POMK: variants seen among roughly 807,000 people sequenced by gnomAD.
POMK encodes Sugen kinase 196.
In POMK, 19 loss-of-function variants were observed where a neutral mutation model predicts 23.0. The ratio of observed to expected loss-of-function variants is 0.83; its 90% confidence interval spans 0.58 to 1.21. The LOEUF (loss-of-function observed/expected upper bound fraction) is 1.21. Among genes scored for constraint, POMK ranks in the 50% most tolerant of loss-of-function variants. The pLI is 0.00. For missense variants in POMK, 410 were observed against 431.3 expected (o/e 0.95, Z 0.44); for synonymous variants, 173 against 171.6 (o/e 1.01, Z -0.06).
intron 1 of POMK, among the ~76,000 whole-genome samples, chr8:43,094,404 A>G (rs1344684451): frequency 3.3e-5 from 5 of 152,200 alleles, no homozygotes. Flanking sequence ...CAAAAAAACC[A>G]GAAAGGACCG....
chr8:43,122,121 G>C lies in POMK; in HGVS notation c.297G>C (p.Glu99Asp), dbSNP rs181930194. ...CTTTGTTGCAGGTCTTTCTGTCTGA[G>C]TGGAAGGAGCACAAAGTTGCACTCT... Reference protein sequence around the residue: ...EGAVKRVFLSEWKEHKVALSQ... With the variant: ...EGAVKRVFLSDWKEHKVALSQ... Residue 99 changes from glutamate (E) to aspartate (D), a missense_variant, in exon 5 of 5, where the codon GAG becomes GAC. Transcript: ENST00000331373. 1 of 1,614,074 alleles carries C rather than the reference G, an allele frequency of 6.2e-7. No homozygotes were observed. The highest frequency in any genetic ancestry group is 1.1e-5 in the South Asian group (1 of 91,062).
At position 43,122,513 on chromosome 8, in the gene POMK, C is replaced by G; in HGVS notation, c.689C>G (p.Ala230Gly). ...AGCATTTTGGCAAATGACTTGGACG[C>G]CTTACCCCTGGTGAACCACAGCTCC... ...NFSILANDLD[A>G]LPLVNHSSGM... is the part of the protein sequence containing the mutation. The change falls in exon 5 of 5, where the codon GCC becomes GGC. Residue 230 changes from alanine to glycine, a missense_variant. By Grantham distance (60) the Ala-to-Gly change is moderately conservative (BLOSUM62 0). Transcript: ENST00000331373. 6.2e-7 allele frequency: 1 copy of G among 1,614,152 alleles called. No homozygotes were observed. Among genetic ancestry groups the G allele is most frequent in the African/African-American group, 1.3e-5 (1 of 75,046 alleles).
At chr8:43,119,841 A>G (rs916899013) in intron 4 of POMK, among the ~76,000 whole-genome samples, 3 of 152,104 alleles carry the variant, frequency 2.0e-5, no homozygotes, top group African/African-American at 7.2e-5. Context: ...AATCAAAGTT[A>G]TCTGGGTTTT....
intron 1 of POMK, among the ~76,000 whole-genome samples, chr8:43,093,977 T>C (rs1024372476): frequency 8.5e-5 from 13 of 152,196 alleles, no homozygotes; most frequent in African/African-American, 3.1e-4. Flanking sequence ...CTCCGGAGGC[T>C]GAGGCGGGAG....
At position 43,112,704 on chromosome 8, in the gene POMK, A is replaced by G. The variant is rs1297837096; in HGVS notation, c.282+8874A>G. ...CCACAAAGGGAAGCCCATCAGACTAATAGCGGATCTCTCAGCAGAAACTCT... is the reference window on the plus strand; with the variant it reads ...CCACAAAGGGAAGCCCATCAGACTAGTAGCGGATCTCTCAGCAGAAACTCT... On this transcript the variant is annotated intron_variant, in intron 4 of 4. Transcript: ENST00000331373. Among the ~76,000 whole-genome samples the G allele has an allele frequency of 2.0e-5, 3 of 152,266 alleles. No homozygotes were observed. The East Asian group carries it at 5.8e-4, about 29-fold the overall frequency.
intron 4 of POMK, among the ~76,000 whole-genome samples, chr8:43,111,421 G>A (rs1811661007): frequency 6.6e-6 from 1 of 152,228 alleles, no homozygotes; most frequent in African/African-American, 2.4e-5. Flanking sequence ...CAAAGCAGCT[G>A]GGAAGCTCAA....
rs193066331 is a variant in POMK, at chr8:43,113,648, G to A, written c.283-8459G>A. On this transcript the variant is annotated intron_variant, in intron 4 of 4. Transcript: ENST00000331373. ...CTCCGTCCAGCTTTTTTCCGTTGCT[G>A]GTGAGGAGGTGCATTCCTTTGGAGG... Among the ~76,000 whole-genome samples, 328 of 152,320 alleles carry A rather than the reference G, an allele frequency of 2.2e-3. 2 individuals are homozygous for A. The highest frequency in any genetic ancestry group is 2.2e-3 in the Non-Finnish European group (150 of 68,024).
At chr8:43,097,816 T>C (rs1342766658) in intron 2 of POMK, among the ~76,000 whole-genome samples, 1 of 152,144 alleles carries the variant, frequency 6.6e-6, no homozygotes, top group Admixed American at 6.5e-5. Flanking sequence ...CATGAGCCCA[T>C]GACAGAGGGA....
intron 4 of POMK, among the ~76,000 whole-genome samples, chr8:43,121,329 T>G (rs1811912595): frequency 6.6e-6 from 1 of 152,228 alleles, no homozygotes; most frequent in African/African-American, 2.4e-5. Context: ...AGGTTCTTCC[T>G]TTAATTACAG....
chr8:43,120,830 A>C (rs1234713426), intron 4 of POMK, among the ~76,000 whole-genome samples: 1 of 151,940 alleles, frequency 6.6e-6, no homozygotes, highest in Non-Finnish European at 1.5e-5. Context: ...GGCATGCACC[A>C]CCACGCCTGG....
In POMK at chr8:43,112,257, C is replaced by G. The variant is rs188539139; in HGVS notation, c.282+8427C>G. ...GGAGCTGAAAACCACGGCACAAGAACTACGTGACAAATGCACAAGCCTCAG... is the reference window on the plus strand; with the variant it reads ...GGAGCTGAAAACCACGGCACAAGAAGTACGTGACAAATGCACAAGCCTCAG... On this transcript the variant is annotated intron_variant, in intron 4 of 4. Coordinates refer to ENST00000331373, the MANE Select transcript of POMK (RefSeq NM_032237.5). 1.8e-4 allele frequency among the ~76,000 whole-genome samples: 27 copies of G among 152,326 alleles called. No individual in the cohort carries two copies. The East Asian group carries it at 5.0e-3, about 28-fold the overall frequency.
chr8:43,111,341 G>C (rs893905607), intron 4 of POMK, among the ~76,000 whole-genome samples: 1 of 152,182 alleles, frequency 6.6e-6, no homozygotes, highest in East Asian at 1.9e-4. Flanking sequence ...AGCAGTCTGA[G>C]ATCAAACTGC....
At chr8:43,094,393 A>C (rs1811289937) in intron 1 of POMK, among the ~76,000 whole-genome samples, 1 of 152,198 alleles carries the variant, frequency 6.6e-6, no homozygotes, top group East Asian at 1.9e-4. Context: ...AAAACAAAAA[A>C]CAAAAAAACC....
At chr8:43,116,790 A>G (rs1341589900) in intron 4 of POMK, among the ~76,000 whole-genome samples, 1 of 152,230 alleles carries the variant, frequency 6.6e-6, no homozygotes, top group East Asian at 1.9e-4. Flanking sequence ...GTATTCTTCA[A>G]GATAGGTAGA....
At chr8:43,109,034 C>G (rs1057026800) in intron 4 of POMK, among the ~76,000 whole-genome samples, 3 of 152,180 alleles carry the variant, frequency 2.0e-5, no homozygotes, top group Admixed American at 2.0e-4. Flanking sequence ...TTCTATTTGA[C>G]AGTGTTTCCT....
Position 43,103,653 on chromosome 8 carries a change from C to A in POMK, c.105C>A (p.Tyr35Ter). 6.2e-7 allele frequency: 1 copy of A among 1,614,060 alleles called. No homozygotes were observed. Residue 35 changes from tyrosine to a stop codon, truncating the protein, a stop_gained, in exon 4 of 5, where the codon TAC (tyrosine) becomes TAA (stop). Coordinates refer to ENST00000331373, the MANE Select transcript of POMK (RefSeq NM_032237.5). LOFTEE classifies it high-confidence loss of function. Reference sequence around the variant, plus strand: ...TGGCCCTGATGAATACTCTGCTCTACCTCTGCCTCGACCACTTCTTCATCG... The same window carrying A: ...TGGCCCTGATGAATACTCTGCTCTAACTCTGCCTCGACCACTTCTTCATCG... ...LIMALMNTLL[Y>*]LCLDHFFIAP...
At chr8:43,121,759 A>G (rs921691259) in intron 4 of POMK, among the ~76,000 whole-genome samples, 4 of 152,078 alleles carry the variant, frequency 2.6e-5, no homozygotes, top group African/African-American at 9.7e-5. Context: ...CTCCTGAGCT[A>G]GCACTCCCCT....
chr8:43,093,835 A>G (rs902148203), intron 1 of POMK, among the ~76,000 whole-genome samples: 13 of 152,234 alleles, frequency 8.5e-5, no homozygotes, highest in African/African-American at 3.1e-4. Flanking sequence ...CTGTAATCCC[A>G]GCGCTTTGGG....
At chr8:43,094,977 A>C (rs1163416222) in intron 1 of POMK, among the ~76,000 whole-genome samples, 1 of 152,196 alleles carries the variant, frequency 6.6e-6, no homozygotes, top group African/African-American at 2.4e-5. Flanking sequence ...CTTTAGCCAC[A>C]CAGCCTCATG....
Sources: gnomAD v4.1 joint callset for allele counts (sites outside exome capture counted in the v4.1 genomes callset) on GRCh38, gnomAD v4.1.1 for gene constraint, MANE v1.5 for transcripts, NCBI Gene and HGNC (gene_info 2026-07-23, HGNC 2026-07-21) for gene names.